Variants in GALNT13 observed in about 807,000 individuals in gnomAD.
GALNT13 encodes polypeptide N-acetylgalactosaminyltransferase 13.
Under a neutral mutation model 64.2 loss-of-function variants are expected in GALNT13, and 28 were observed. That is an observed-to-expected ratio of 0.44 (90% confidence interval 0.32 to 0.60). The LOEUF (loss-of-function observed/expected upper bound fraction) is 0.60. Among genes scored for constraint, GALNT13 ranks in the 20% least tolerant of loss-of-function variants. The probability of loss-of-function intolerance (pLI) is 0.05; values close to 1 mark genes in which losing one functional copy is unlikely to be tolerated. For missense variants in GALNT13, 577 were observed against 669.8 expected (o/e 0.86, Z 1.53); for synonymous variants, 214 against 224.6 (o/e 0.95, Z 0.42).
the GALNT13 span, among the ~76,000 whole-genome samples, chr2:153,597,692 A>G: frequency 6.6e-6 from 1 of 152,146 alleles, no homozygotes; most frequent in Non-Finnish European, 1.5e-5. Flanking sequence ...GTAAAAAGAC[A>G]GAATGGGAGA....
chr2:154,139,062 C>T (rs1409494176), intron 3 of GALNT13, among the ~76,000 whole-genome samples: 1 of 151,872 alleles, frequency 6.6e-6, no homozygotes, highest in African/African-American at 2.4e-5. Flanking sequence ...GAGAGGATTT[C>T]AAGGCCAATC....
intron 9 of GALNT13, among the ~76,000 whole-genome samples, chr2:154,342,825 C>CGTGTGT (rs59607214): frequency 1.9e-3 from 272 of 146,778 alleles, no homozygotes; most frequent in African/African-American, 6.5e-3. Context: ...TAAGAGTGTG[C>CGTGTGT]GTGTGTGTGT....
chr2:153,118,043 C>G, the GALNT13 span, among the ~76,000 whole-genome samples: 1 of 151,358 alleles, frequency 6.6e-6, no homozygotes, highest in African/African-American at 2.4e-5. Flanking sequence ...TGATTCCAGT[C>G]AATCCTTCAC....
At chr2:153,133,832 C>A in the GALNT13 span, among the ~76,000 whole-genome samples, 1 of 152,176 alleles carries the variant, frequency 6.6e-6, no homozygotes, top group Non-Finnish European at 1.5e-5. Context: ...TTGAGACCTG[C>A]AGCCTTGTAA....
At chr2:154,018,187 A>G (rs1697135683) in intron 3 of GALNT13, among the ~76,000 whole-genome samples, 1 of 152,202 alleles carries the variant, frequency 6.6e-6, no homozygotes, top group African/African-American at 2.4e-5. Flanking sequence ...CACTCAGTAA[A>G]TATATGAACG....
chr2:154,261,278 T>C (rs1324026558), intron 8 of GALNT13, among the ~76,000 whole-genome samples: 1 of 152,130 alleles, frequency 6.6e-6, no homozygotes, highest in East Asian at 1.9e-4. Context: ...ATAAAATACT[T>C]ATCAGTGACT....
the GALNT13 span, among the ~76,000 whole-genome samples, chr2:153,575,543 G>A: frequency 2.6e-5 from 4 of 152,174 alleles, no homozygotes. Flanking sequence ...AGTCTACCTG[G>A]TATTCTATTG....
At chr2:153,270,267 A>G in the GALNT13 span, among the ~76,000 whole-genome samples, 3 of 151,968 alleles carry the variant, frequency 2.0e-5, no homozygotes, top group Non-Finnish European at 4.4e-5. Flanking sequence ...TAGGTACTAA[A>G]GAGTTCATGG....
At chr2:154,239,904 C>T (rs1306742161) in intron 4 of GALNT13, among the ~76,000 whole-genome samples, 2 of 152,050 alleles carry the variant, frequency 1.3e-5, no homozygotes, top group African/African-American at 2.4e-5. Context: ...CTTCATCTTC[C>T]ACATTTTATT....
the GALNT13 span, among the ~76,000 whole-genome samples, chr2:153,362,135 A>G: frequency 1.3e-5 from 2 of 152,204 alleles, no homozygotes. Flanking sequence ...TTTGTAAGCA[A>G]AGGAGAAATA....
intron 3 of GALNT13, among the ~76,000 whole-genome samples, chr2:153,982,545 C>G (rs1694533048): frequency 6.6e-6 from 1 of 152,002 alleles, no homozygotes; most frequent in Non-Finnish European, 1.5e-5. Context: ...GTGACAGAGA[C>G]AGATTAGTTT....
At chr2:153,609,396 A>T in the GALNT13 span, among the ~76,000 whole-genome samples, 1 of 152,162 alleles carries the variant, frequency 6.6e-6, no homozygotes, top group Non-Finnish European at 1.5e-5. Context: ...ACAATATCTG[A>T]CAACAACTAT....
At chr2:154,129,024 A>C (rs1234707479) in intron 3 of GALNT13, among the ~76,000 whole-genome samples, 1 of 152,120 alleles carries the variant, frequency 6.6e-6, no homozygotes, top group South Asian at 2.1e-4. Context: ...AATATTTATT[A>C]GCCTTATTTT....
intron 3 of GALNT13, among the ~76,000 whole-genome samples, chr2:154,132,022 A>G (rs1012134669): frequency 2.0e-5 from 3 of 152,102 alleles, no homozygotes; most frequent in Admixed American, 2.0e-4. Context: ...GTCCTTCCAC[A>G]TTTCTCTGCC....
chr2:153,160,915 G>A, the GALNT13 span, among the ~76,000 whole-genome samples: 21 of 152,164 alleles, frequency 1.4e-4, no homozygotes, highest in African/African-American at 5.1e-4. Flanking sequence ...AAGGAGAAAT[G>A]GAAAATGAGA....
chr2:154,165,011 GA>G (rs1186464100), intron 4 of GALNT13, among the ~76,000 whole-genome samples: 1 of 152,042 alleles, frequency 6.6e-6, no homozygotes, highest in East Asian at 1.9e-4. Context: ...CACACTGTTT[GA>G]AAAACTGAAA....
At chr2:153,913,514 C>T (rs1182614036) in intron 2 of GALNT13, among the ~76,000 whole-genome samples, 1 of 152,170 alleles carries the variant, frequency 6.6e-6, no homozygotes, top group East Asian at 1.9e-4. Context: ...CCATGCTCCG[C>T]TACAGACACT....
chr2:154,118,181 T>C (rs958996396), intron 3 of GALNT13, among the ~76,000 whole-genome samples: 2 of 152,146 alleles, frequency 1.3e-5, no homozygotes, highest in Admixed American at 1.3e-4. Context: ...GTTGAATATA[T>C]ATTTAGCTTT....
intron 8 of GALNT13, among the ~76,000 whole-genome samples, chr2:154,289,265 C>G (rs1412953407): frequency 2.0e-5 from 3 of 152,210 alleles, no homozygotes; most frequent in Non-Finnish European, 4.4e-5. Context: ...CAATAAGGCC[C>G]TGGGCTGGCC....
Sources: allele counts gnomAD v4.1 joint callset (sites outside exome capture counted in the v4.1 genomes callset), GRCh38; gene constraint gnomAD v4.1.1; transcripts MANE v1.5; gene names NCBI Gene and HGNC (gene_info 2026-07-23, HGNC 2026-07-21).